Variants in CHD9 observed in about 807,000 individuals in gnomAD.
CHD9 encodes the protein ATP-dependent chromatin remodeler CHD9.
In CHD9, 77 loss-of-function variants were observed where a neutral mutation model predicts 316.1. The observed-to-expected ratio is 0.24, with a 90% CI of 0.20 to 0.29. CHD9 has a LOEUF of 0.29. Among genes scored for constraint, CHD9 ranks in the 10% least tolerant of loss-of-function variants. The pLI, the probability that CHD9 is intolerant of heterozygous loss-of-function variation, is 1.00. For synonymous variants in CHD9, 1,129 were observed against 1,158.3 expected, an observed-to-expected ratio of 0.97 and a Z score of 0.51; for missense variants, 2,763 against 3,438.1, an observed-to-expected ratio of 0.80 and a Z score of 4.91.
chr16:53,146,415 G>GTATATATATATATATATATATATATATA (rs149684203), intron 1 of CHD9, among the ~76,000 whole-genome samples: 10 of 64,460 alleles, frequency 1.6e-4, no homozygotes, highest in Non-Finnish European at 2.3e-4. Context: ...GTGTGTGTGT[G>GTATATATATATATATATATATATATATA]TATGTATATA....
intron 1 of CHD9, among the ~76,000 whole-genome samples, chr16:53,143,177 G>T (rs373386378): frequency 6.6e-5 from 10 of 152,174 alleles, no homozygotes; most frequent in African/African-American, 2.2e-4. Flanking sequence ...AACTTTGGGG[G>T]ACATATTCAA....
At chr16:53,087,947 C>CAAAAAAAAAAAAAAAAAAAAAAAAA (rs61112383) in intron 1 of CHD9, among the ~76,000 whole-genome samples, 1 of 122,744 alleles carries the variant, frequency 8.1e-6, no homozygotes, top group African/African-American at 2.8e-5. Flanking sequence ...GAGTCTGTCT[C>CAAAAAAAAAAAAAAAAAAAAAAAAA]AAAAAAAAAA....
At chr16:53,223,311 A>T (rs1170155916) in intron 4 of CHD9, 3 of 149,122 alleles carry the variant, frequency 2.0e-5, no homozygotes, top group African/African-American at 7.5e-5. Context: ...TTAAAATTAT[A>T]TATAGTGAAG....
intron 1 of CHD9, among the ~76,000 whole-genome samples, chr16:53,125,396 G>A (rs922192482): frequency 1.3e-5 from 2 of 151,774 alleles, no homozygotes; most frequent in African/African-American, 4.8e-5. Context: ...GCTATTTTTT[G>A]TATTTTTAGT....
At chr16:53,270,958 T>C (rs1006493640) in intron 22 of CHD9, among the ~76,000 whole-genome samples, 1 of 152,164 alleles carries the variant, frequency 6.6e-6, no homozygotes, top group Non-Finnish European at 1.5e-5. Context: ...ATTTTTTCTC[T>C]GGAAAGAGTA....
At chr16:53,098,482 AAAAAAAAAAAG>A (rs1178579280) in intron 1 of CHD9, among the ~76,000 whole-genome samples, 2 of 151,724 alleles carry the variant, frequency 1.3e-5, no homozygotes, top group Non-Finnish European at 2.9e-5. Context: ...TCTCAAAAAA[AAAAAAAAAAAG>A]AAAGAAAGAA....
intron 1 of CHD9, among the ~76,000 whole-genome samples, chr16:53,144,767 G>A (rs1031512880): frequency 2.0e-5 from 3 of 151,928 alleles, no homozygotes; most frequent in Admixed American, 6.6e-5. Flanking sequence ...CTCGTGATTC[G>A]CCCACCTCAG....
intron 1 of CHD9, among the ~76,000 whole-genome samples, chr16:53,120,483 C>A (rs980485213): frequency 6.6e-6 from 1 of 151,986 alleles, no homozygotes; most frequent in African/African-American, 2.4e-5. Context: ...TGTGGTGGCG[C>A]ATGCCTGTAA....
intron 1 of CHD9, among the ~76,000 whole-genome samples, chr16:53,089,111 CA>C (rs1212626318): frequency 1.6e-4 from 23 of 146,980 alleles, no homozygotes; most frequent in African/African-American, 2.0e-4. Flanking sequence ...GACTCTGTCT[CA>C]AAAAAAAAAA....
chr16:53,094,678 C>A (rs1185509201), intron 1 of CHD9, among the ~76,000 whole-genome samples: 1 of 140,246 alleles, frequency 7.1e-6, no homozygotes, highest in Non-Finnish European at 1.5e-5. Flanking sequence ...CTTCCTCTGT[C>A]GCCCAGGCTG....
intron 2 of CHD9, chr16:53,168,815 T>TG (rs1449381123): frequency 6.6e-6 from 1 of 152,266 alleles, no homozygotes; most frequent in Non-Finnish European, 1.5e-5. Flanking sequence ...CAGCACACTG[T>TG]AGCCTTGAAC....
chr16:53,138,440 C>T (rs758836611), intron 1 of CHD9, among the ~76,000 whole-genome samples: 8 of 152,074 alleles, frequency 5.3e-5, no homozygotes, highest in Middle Eastern at 3.4e-3. Context: ...ACTTACATGT[C>T]GTATTAAACT....
At chr16:53,088,880 G>T (rs1439874750) in intron 1 of CHD9, among the ~76,000 whole-genome samples, 2 of 152,024 alleles carry the variant, frequency 1.3e-5, no homozygotes, top group African/African-American at 2.4e-5. Flanking sequence ...TTGAGAGGCT[G>T]AGGCAGGCGG....
rs61754092 is a variant in CHD9, at chr16:53,268,093, G to A, written c.4684G>A (p.Asp1562Asn). ...FIWDLITPTE[D>N]GQTRELQNHL... ...ATGGGATCTCATTACTCCAACTGAAGATGGACAGACACGAGAGCTACAGAA... is the reference window on the plus strand; with the variant it reads ...ATGGGATCTCATTACTCCAACTGAAAATGGACAGACACGAGAGCTACAGAA... Residue 1562 changes from aspartate (D) to asparagine (N), a missense_variant, in exon 22 of 39, where the codon GAT becomes AAT. Transcript: ENST00000447540. 1.5e-5 allele frequency: 24 copies of A among 1,611,954 alleles called. No individual in the cohort carries two copies. Among genetic ancestry groups the A allele is most frequent in the Non-Finnish European group, 2.0e-5 (24 of 1,178,804 alleles).
chr16:53,243,413 A>G (rs538105579), intron 13 of CHD9, among the ~76,000 whole-genome samples: 14 of 152,190 alleles, frequency 9.2e-5, no homozygotes, highest in Non-Finnish European at 2.1e-4. Flanking sequence ...TCCCAGGTTC[A>G]AGCGATTCTC....
At chr16:53,144,039 T>A (rs533200246) in intron 1 of CHD9, among the ~76,000 whole-genome samples, 3 of 152,266 alleles carry the variant, frequency 2.0e-5, no homozygotes, top group South Asian at 4.1e-4. Flanking sequence ...AAATATGATA[T>A]CTTTTGTAAA....
chr16:53,323,676 A>G (rs1023127505), intron 38 of CHD9, among the ~76,000 whole-genome samples: 1 of 152,188 alleles, frequency 6.6e-6, no homozygotes, highest in South Asian at 2.1e-4. Flanking sequence ...TTCTAGGACA[A>G]GTGATGGTGT....
At chr16:53,126,204 C>T (rs2038962245) in intron 1 of CHD9, among the ~76,000 whole-genome samples, 2 of 152,050 alleles carry the variant, frequency 1.3e-5, no homozygotes, top group Non-Finnish European at 2.9e-5. Flanking sequence ...TGTGTGGTCC[C>T]TTTTGGTTTA....
chr16:53,070,536 T>TTCCTTCCTTCCTTCCTTC (rs2033949512), intron 1 of CHD9, among the ~76,000 whole-genome samples: 1 of 139,468 alleles, frequency 7.2e-6, no homozygotes, highest in African/African-American at 2.8e-5. Context: ...TTCCTTCCTC[T>TTCCTTCCTTCCTTCCTTC]CTCTCTCTCT....
Sources: allele counts gnomAD v4.1 joint callset (sites outside exome capture counted in the v4.1 genomes callset), GRCh38; gene constraint gnomAD v4.1.1; transcripts MANE v1.5; gene names NCBI Gene and HGNC (gene_info 2026-07-23, HGNC 2026-07-21).